The following OSBPL10 variants were observed in gnomAD, a reference collection of about 807,000 sequenced individuals.
OSBPL10 encodes the protein oxysterol binding protein like 10, also known as oxysterol-binding protein-related protein 10.
In OSBPL10, 49 loss-of-function variants were observed where a neutral mutation model predicts 81.7. The observed-to-expected ratio is 0.60, with a 90% CI of 0.48 to 0.76. The LOEUF is 0.76. OSBPL10 is among the 30% of genes least tolerant of loss of function. The probability of loss-of-function intolerance (pLI) is 0.00; values close to 1 mark genes in which losing one functional copy is unlikely to be tolerated. For synonymous variants in OSBPL10, 419 were observed against 383.6 expected (o/e 1.09, Z -1.08); for missense variants, 923 against 987.8 (o/e 0.93, Z 0.88).
At chr3:31,671,112 T>TGG in intron 8 of OSBPL10, 129 bp from the exon 9 acceptor site, 12 of 895,972 alleles carry the variant, frequency 1.3e-5, no homozygotes, top group Non-Finnish European at 2.0e-5. Context: ...TCTGCAGAGG[T>TGG]GAGCTGCTCG....
In OSBPL10 at chr3:31,965,525, T is replaced by TTATATTATATAAATTATATATTATATAA. The variant is rs1698320162; in HGVS notation, c.281+15373_281+15374insTTATATAATATATAATTTATATAATATA. Among the ~76,000 whole-genome samples, 6 of 33,762 alleles carry TTATATTATATAAATTATATATTATATAA rather than the reference T, an allele frequency of 1.8e-4. 1 individual carries two copies. Among genetic ancestry groups the TTATATTATATAAATTATATATTATATAA allele is most frequent in the Admixed American group, 1.1e-3 (2 of 1,868 alleles). 22.1% of individuals were successfully genotyped at this position (33,762 alleles called of 152,430 possible). A position where few individuals can be genotyped will look rare whatever the true frequency, so the allele number is the denominator to read the frequency against. ...TATAAAATAGATAATATATAAACTA[T>TTATATTATATAAATTATATATTATATAA]TATATTATATAAATTATATATTATA... On this transcript the variant is annotated intron_variant, in intron 1 of 11. Coordinates refer to ENST00000396556, the MANE Select transcript of OSBPL10 (RefSeq NM_017784.5).
rs2125490809 is a variant in OSBPL10 at position 31,661,243 on chromosome 3, T to C, written c.*829A>G. On this transcript the variant is annotated 3_prime_UTR_variant, in exon 12 of 12. Coordinates refer to ENST00000396556, the MANE Select transcript of OSBPL10 (RefSeq NM_017784.5). ...ACAAGATTGAGGCTGTGGTTGTGCATGTTTTCATGTGCATGCATGTATTTA... is the reference window on the plus strand; with the variant it reads ...ACAAGATTGAGGCTGTGGTTGTGCACGTTTTCATGTGCATGCATGTATTTA... The C allele has an allele frequency of 6.6e-6, 1 of 152,668 alleles. No homozygotes were observed. Among genetic ancestry groups the C allele is most frequent in the South Asian group, 2.1e-4 (1 of 4,830 alleles). The allele number at this position is 152,668 out of a possible 1,614,324, so 9.5% of individuals were successfully genotyped here.
At position 31,670,807 on chromosome 3, in the gene OSBPL10, T is replaced by A; in HGVS notation, c.1903A>T (p.Lys635Ter). The A allele has an allele frequency of 6.2e-7, 1 of 1,613,772 alleles. No individual in the cohort carries two copies. The highest frequency in any genetic ancestry group is 8.5e-7 in the Non-Finnish European group (1 of 1,179,814). Reference protein sequence around the residue: ...IFHTKPFYGGKVHRVTAEVKH... With the variant: ...IFHTKPFYGG ...CCGGCCAGCTCCTACCTGTGGACTT[T>A]CCCTCCATAGAAAGGCTTCGTGTGG... Residue 635 changes from lysine to a stop codon, truncating the protein, a stop_gained, in exon 9 of 12, where the codon AAA (lysine) becomes TAA (stop). Transcript: ENST00000396556. LOFTEE classifies it high-confidence loss of function.
At chr3:31,933,668 C>A (rs11712388) in intron 1 of OSBPL10, among the ~76,000 whole-genome samples, 31,459 of 151,952 alleles carry the variant, frequency 0.21, 3,775 homozygotes, top group Non-Finnish European at 0.28. Context: ...CCTCAGCCTC[C>A]CAAAGTGCCG....
chr3:32,001,373 A>C (rs1320311716), intron 2 of OSBPL10, among the ~76,000 whole-genome samples: 1 of 152,196 alleles, frequency 6.6e-6, no homozygotes, highest in Non-Finnish European at 1.5e-5. Context: ...TATCAATAAA[A>C]TAATAATCAT....
chr3:31,859,424 T>A (rs1185628077), intron 3 of OSBPL10, among the ~76,000 whole-genome samples: 1 of 152,226 alleles, frequency 6.6e-6, no homozygotes, highest in Non-Finnish European at 1.5e-5. Flanking sequence ...CTTTGCAACA[T>A]CCTTTATAAT....
intron 7 of OSBPL10, among the ~76,000 whole-genome samples, chr3:31,698,670 A>C (rs530147756): frequency 6.6e-6 from 1 of 151,952 alleles, no homozygotes; most frequent in South Asian, 2.1e-4. Flanking sequence ...AATGCCAAAC[A>C]AGGTCCATCT....
chr3:32,048,249 G>A lies in OSBPL10; in HGVS notation n.186-1646C>T, dbSNP rs528725544. On this transcript the variant is annotated intron_variant and non_coding_transcript_variant, in intron 1 of 3. Transcript: ENST00000479173. ...TCATCCCTCTGCTCAAAATATTCAA[G>A]ACCCCTGTTCCTAAAATCCATTCTC... is the stretch of plus-strand genomic sequence containing the variant. Among the ~76,000 whole-genome samples the A allele has an allele frequency of 1.7e-4, 26 of 150,594 alleles. No individual in the cohort carries two copies. In the South Asian group the frequency reaches 5.2e-3, roughly 30 times the overall value.
chr3:31,982,773 G>C (rs1023841970), upstream of OSBPL10, among the ~76,000 whole-genome samples: 2 of 152,180 alleles, frequency 1.3e-5, no homozygotes, highest in African/African-American at 4.8e-5. Context: ...CTGCAAAATG[G>C]GACAAATGAT....
chr3:31,682,287 C>T (rs1700671001), intron 8 of OSBPL10, among the ~76,000 whole-genome samples: 2 of 152,192 alleles, frequency 1.3e-5, no homozygotes, highest in African/African-American at 4.8e-5. Context: ...GCCTGGTACT[C>T]TCCAGCTCAA....
chr3:31,723,571 C>CACACACACACACA (rs376763435), intron 6 of OSBPL10, among the ~76,000 whole-genome samples: 2 of 151,230 alleles, frequency 1.3e-5, no homozygotes, highest in African/African-American at 2.4e-5. Flanking sequence ...CACACACACA[C>CACACACACACACA]CCCTTTCCCT....
In OSBPL10 at chr3:31,664,165, G is replaced by A. The variant is rs375455808; in HGVS notation, c.2164C>T (p.Arg722Trp). The change falls in exon 11 of 12, where the codon CGG becomes TGG. Residue 722 changes from arginine to tryptophan, a missense_variant. Arg to Trp is a moderately radical substitution (Grantham distance 101, BLOSUM62 -3). Transcript: ENST00000396556. ...ACCCGTTGCTTCTCCTCCAGGTGCC[G>A]CTTCTGCTCGGTGGCTGCGTCAATG... ...GDIDAATEQK[R>W]HLEEKQRVEE... The A allele has an allele frequency of 4.3e-6, 7 of 1,613,436 alleles. No individual in the cohort carries two copies. Among genetic ancestry groups the A allele is most frequent in the African/African-American group, 2.7e-5 (2 of 74,806 alleles).
chr3:31,973,459 C>G (rs1393950662), intron 1 of OSBPL10, among the ~76,000 whole-genome samples: 1 of 152,220 alleles, frequency 6.6e-6, no homozygotes, highest in Non-Finnish European at 1.5e-5. Context: ...GCACCAAGCA[C>G]AGGACTGGTG....
At chr3:31,792,548 G>T (rs1358699516) in intron 4 of OSBPL10, among the ~76,000 whole-genome samples, 6 of 152,152 alleles carry the variant, frequency 3.9e-5, no homozygotes, top group African/African-American at 1.2e-4. Context: ...GAGGGGGGTG[G>T]TGGTTAAAAT....
Position 31,678,782 on chromosome 3 carries a change from C to CTGTGTGTGTGTGTGTGTGTG in OSBPL10, c.1726+4832_1726+4851dup, listed in dbSNP as rs67616509. The stretch of plus-strand genomic sequence containing the variant: ...TACTCTGACTAATCACAGATTCAAA[C>CTGTGTGTGTGTGTGTGTGTG]TGTGTGTGTGTGTGTGTGTGTGTGT... On this transcript the variant is annotated intron_variant, in intron 8 of 11. Coordinates refer to ENST00000396556, the MANE Select transcript of OSBPL10 (RefSeq NM_017784.5). Among the ~76,000 whole-genome samples, 413 of 135,598 alleles carry CTGTGTGTGTGTGTGTGTGTG rather than the reference C, an allele frequency of 3.0e-3. 3 individuals carry two copies. The highest frequency in any genetic ancestry group is 5.8e-3 in the East Asian group (25 of 4,344). 89.0% of individuals were successfully genotyped at this position (135,598 alleles called of 152,430 possible). A position where few individuals can be genotyped will look rare whatever the true frequency, so the allele number is the denominator to read the frequency against.
chr3:31,833,283 C>T (rs2125536051), intron 3 of OSBPL10, among the ~76,000 whole-genome samples: 1 of 152,242 alleles, frequency 6.6e-6, no homozygotes, highest in South Asian at 2.1e-4. Flanking sequence ...CCTCTATCCC[C>T]CCACTCCTCC....
chr3:32,048,551 C>T (rs1003390952), intron 1 of OSBPL10, among the ~76,000 whole-genome samples: 2 of 152,188 alleles, frequency 1.3e-5, no homozygotes, highest in Admixed American at 1.3e-4. Context: ...AGGTGATCCA[C>T]CCGCCTTGGC....
At chr3:31,973,668 G>A (rs2125495416) in intron 1 of OSBPL10, among the ~76,000 whole-genome samples, 1 of 152,338 alleles carries the variant, frequency 6.6e-6, no homozygotes, top group South Asian at 2.1e-4. Flanking sequence ...TGGCAGTCCT[G>A]TTTTCCAAAA....
At chr3:31,870,152 A>C (rs1358231881) in intron 3 of OSBPL10, among the ~76,000 whole-genome samples, 2 of 152,224 alleles carry the variant, frequency 1.3e-5, no homozygotes, top group Admixed American at 6.5e-5. Context: ...GGGGCTGCGC[A>C]CTGCGCTTGC....
Sources: gnomAD v4.1 joint callset for allele counts (sites outside exome capture counted in the v4.1 genomes callset) on GRCh38, gnomAD v4.1.1 for gene constraint, MANE v1.5 for transcripts, NCBI Gene and HGNC (gene_info 2026-07-23, HGNC 2026-07-21) for gene names.